ZBP1: variants seen among roughly 807,000 people sequenced by gnomAD.
ZBP1 encodes the protein Z-DNA binding protein 1, also known as Z-DNA-binding protein 1.
In ZBP1, 42 loss-of-function variants were observed where a neutral mutation model predicts 41.1. That is an observed-to-expected ratio of 1.02 (90% CI 0.80 to 1.32). ZBP1 has a LOEUF of 1.32. Ranked by LOEUF, ZBP1 falls within the 40% of genes most tolerant of loss-of-function variation. The pLI, the probability that ZBP1 is intolerant of heterozygous loss-of-function variation, is 0.00. For missense variants in ZBP1, 562 were observed against 549.7 expected (o/e 1.02, Z -0.22); for synonymous variants, 214 against 205.2 (o/e 1.04, Z -0.37).
chr20:57,618,899 G>A (rs6070184), intron 1 of ZBP1, among the ~76,000 whole-genome samples: 2 of 152,174 alleles, frequency 1.3e-5, no homozygotes, highest in Non-Finnish European at 2.9e-5. Context: ...GATTCTGGAA[G>A]GCTGACCTTA....
In ZBP1 at chr20:57,610,795, C is replaced by A; in HGVS notation, c.875-428G>T. The A allele has an allele frequency of 3.8e-6, 1 of 265,836 alleles. No homozygotes were observed. The allele number at this position is 265,836 out of a possible 1,614,324, so 16.5% of individuals were successfully genotyped here. A position where few individuals can be genotyped will look rare whatever the true frequency, so the allele number is the denominator to read the frequency against. On this transcript the variant is annotated intron_variant, in intron 6 of 7. Transcript: ENST00000371173. This position sits in a 1 kb window ranked among gnomAD's most constrained non-coding sequence, Gnocchi z 5.5. Reference sequence around the variant, plus strand: ...TTTCCCACCCAAACTTCTGAAGAATCATCCACACTGAGTCCCGCCCCCTCC... The same window carrying A: ...TTTCCCACCCAAACTTCTGAAGAATAATCCACACTGAGTCCCGCCCCCTCC...
chr20:57,616,572 AG>A (rs1422050725), intron 1 of ZBP1, 104 bp from the exon 2 acceptor site: 2 of 1,206,700 alleles, frequency 1.7e-6, no homozygotes, highest in African/African-American at 1.5e-5. Flanking sequence ...CCTTTTTGAG[AG>A]GGGTCCAGGG....
Position 57,604,224 on chromosome 20 carries a change from G to A in ZBP1, c.*349C>T, listed in dbSNP as rs894148767. 2.5e-6 allele frequency: 1 copy of A among 403,856 alleles called. No individual in the cohort carries two copies. Among genetic ancestry groups the A allele is most frequent in the Non-Finnish European group, 4.7e-6 (1 of 210,798 alleles). The allele number at this position is 403,856 out of a possible 1,614,324, so 25.0% of individuals were successfully genotyped here. On this transcript the variant is annotated 3_prime_UTR_variant, in exon 8 of 8. Coordinates refer to ENST00000371173, the MANE Select transcript of ZBP1 (RefSeq NM_030776.3). ...TTGGGACTCAAACATTCAAACCACA[G>A]CAGGTAGCCATGATGGAAGGTAACT...
rs374417828 is a variant in ZBP1 at position 57,610,167 on chromosome 20, C to T, written c.1075G>A (p.Glu359Lys). 35 of 1,613,826 alleles carry T rather than the reference C, an allele frequency of 2.2e-5. No individual in the cohort carries two copies. In the South Asian group the frequency reaches 2.6e-4, roughly 12 times the overall value. The change falls in exon 7 of 8, where the codon GAG (glutamate) becomes AAG (lysine). Residue 359 changes from glutamate (E) to lysine (K), a missense_variant. Transcript: ENST00000371173. The surrounding 1 kb of genome is among the most constrained non-coding windows in gnomAD (Gnocchi z 5.5). ...PGGVAGSGEGEPGEDAGRRPA... is the reference protein window; with the variant it reads ...PGGVAGSGEGKPGEDAGRRPA... ...AGCTCACCTGCGTCCTCCCCTGGCTCCCCCTCTCCAGACCCTGCGACTCCT... is the reference window on the plus strand; with the variant it reads ...AGCTCACCTGCGTCCTCCCCTGGCTTCCCCTCTCCAGACCCTGCGACTCCT...
chr20:57,615,381 A>G (rs764122544), intron 3 of ZBP1, 131 bp downstream of exon 3: 30 of 978,092 alleles, frequency 3.1e-5, no homozygotes, highest in Middle Eastern at 2.1e-4. Context: ...TGAACACTGT[A>G]TGGGAGCTGC....
intron 3 of ZBP1, 127 bp from the exon 4 acceptor site, chr20:57,615,187 G>T (rs2070784858): frequency 8.4e-6 from 9 of 1,073,464 alleles, no homozygotes; most frequent in Non-Finnish European, 1.2e-5. Flanking sequence ...TAAAATGGGT[G>T]TCATGATAAC....
rs751972160 is a variant in ZBP1, at chr20:57,616,229, C to A, written c.259+15G>T. The A allele has an allele frequency of 1.2e-6, 2 of 1,613,466 alleles. No individual in the cohort carries two copies. The highest frequency in any genetic ancestry group is 1.1e-5 in the South Asian group (1 of 91,074). On this transcript the variant is annotated intron_variant, in intron 2 of 7. Transcript: ENST00000371173. ...CCCTGCAGGGTCAGACCCGCCTCCCCGGGGTGGCAGTTACCAGGGCTGGAC... is the reference window on the plus strand; with the variant it reads ...CCCTGCAGGGTCAGACCCGCCTCCCAGGGGTGGCAGTTACCAGGGCTGGAC...
intron 7 of ZBP1, among the ~76,000 whole-genome samples, chr20:57,606,367 G>A (rs2070498170): frequency 6.7e-6 from 1 of 149,810 alleles, no homozygotes; most frequent in South Asian, 2.1e-4. Flanking sequence ...GTTGGTTCAT[G>A]AGGTTTAAGG....
chr20:57,614,689 C>T (rs575429603), intron 4 of ZBP1, among the ~76,000 whole-genome samples, 198 bp downstream of exon 4: 3 of 152,352 alleles, frequency 2.0e-5, no homozygotes, highest in African/African-American at 7.2e-5. Flanking sequence ...CCTTGGGCCA[C>T]GCCTCCAAAA....
At position 57,620,370 on chromosome 20, in the gene ZBP1, G is replaced by A; in HGVS notation, c.-75C>T. The A allele has an allele frequency of 6.6e-7, 1 of 1,524,078 alleles. No individual in the cohort carries two copies. Among genetic ancestry groups the A allele is most frequent in the Non-Finnish European group, 8.9e-7 (1 of 1,126,744 alleles). The allele number at this position is 1,524,078 out of a possible 1,614,324, so 94.4% of individuals were successfully genotyped here. ...TCTGCACTGTGGCCCTGAGAGGGTGGGCTAGGTCGAGGCTGGGGCTTCTGA... is the reference window on the plus strand; with the variant it reads ...TCTGCACTGTGGCCCTGAGAGGGTGAGCTAGGTCGAGGCTGGGGCTTCTGA... On this transcript the variant is annotated 5_prime_UTR_variant, in exon 1 of 8. Transcript: ENST00000371173.
intron 7 of ZBP1, among the ~76,000 whole-genome samples, chr20:57,609,276 A>C (rs963187362): frequency 2.0e-5 from 3 of 152,142 alleles, no homozygotes; most frequent in Non-Finnish European, 4.4e-5. Flanking sequence ...CAGAGTTGGA[A>C]TCCTCAGGCT....
At chr20:57,609,861 C>T (rs550607015) in intron 7 of ZBP1, among the ~76,000 whole-genome samples, 3 of 152,280 alleles carry the variant, frequency 2.0e-5, no homozygotes, top group African/African-American at 7.2e-5. Context: ...GATTTTACCC[C>T]AGTCTTGCAA....
At position 57,610,526 on chromosome 20, in the gene ZBP1, G is replaced by C; in HGVS notation, c.875-159C>G. 1.5e-6 allele frequency: 1 copy of C among 678,314 alleles called. No individual in the cohort carries two copies. Among genetic ancestry groups the C allele is most frequent in the South Asian group, 1.8e-5 (1 of 54,620 alleles). The allele number at this position is 678,314 out of a possible 1,614,324, so 42.0% of individuals were successfully genotyped here. ...GTGCCTGCCCGCCACACCTCCACCC[G>C]CCACACCTCCGCTCGTGCTGTTGTG... On this transcript the variant is annotated intron_variant, in intron 6 of 7. Transcript: ENST00000371173. The surrounding 1 kb of genome is among the most constrained non-coding windows in gnomAD (Gnocchi z 5.5).
intron 1 of ZBP1, among the ~76,000 whole-genome samples, chr20:57,620,013 T>A (rs1229534902): frequency 6.6e-6 from 1 of 152,144 alleles, no homozygotes; most frequent in East Asian, 1.9e-4. Flanking sequence ...ATTTTTGTAA[T>A]TTTAGTAGAG....
chr20:57,612,270 C>T (rs975109343), intron 5 of ZBP1, among the ~76,000 whole-genome samples: 4 of 151,976 alleles, frequency 2.6e-5, no homozygotes, highest in Admixed American at 2.0e-4. Flanking sequence ...CAGAGCCTCC[C>T]GCAGTGTTTT....
rs948786841 is a variant in ZBP1, at chr20:57,613,785, T to G, written c.503-455A>C. On this transcript the variant is annotated intron_variant, in intron 4 of 7. Coordinates refer to ENST00000371173, the MANE Select transcript of ZBP1 (RefSeq NM_030776.3). This position sits in a 1 kb window ranked among gnomAD's most constrained non-coding sequence, Gnocchi z 4.5. ...TTGAATTTGTCACTAGTGTTTAAAATCTGGTGGCTGTCACGCGTTATTCCT... is the reference window on the plus strand; with the variant it reads ...TTGAATTTGTCACTAGTGTTTAAAAGCTGGTGGCTGTCACGCGTTATTCCT... 5.3e-5 allele frequency among the ~76,000 whole-genome samples: 8 copies of G among 152,338 alleles called. No individual in the cohort carries two copies. The highest frequency in any genetic ancestry group is 1.7e-4 in the African/African-American group (7 of 41,578).
Position 57,611,884 on chromosome 20 carries a change from G to T in ZBP1, c.717C>A (p.Ser239=). The T allele has an allele frequency of 6.4e-7, 1 of 1,574,346 alleles. No individual in the cohort carries two copies. The highest frequency in any genetic ancestry group is 8.6e-7 in the Non-Finnish European group (1 of 1,159,328). ...RHLPSMAPGD[S]STWGTLVDPW... is the part of the protein sequence containing the mutation. ...GATCAACTAGGGTCCCCCAAGTTGA[G>T]GAATCACCTGGTGCCATTGAAGGGA... The change falls in exon 6 of 8, where the codon TCC becomes TCA. Residue 239 remains serine (S), a synonymous_variant. Transcript: ENST00000371173.
In ZBP1 at chr20:57,610,931, C is replaced by T. The variant is rs2070649880; in HGVS notation, c.875-564G>A. ...CTTCCCTGGTCTCACCAGCCTGGCC[C>T]CTCTCTGGAGACTCCTTTCCCGGGG... is the stretch of plus-strand genomic sequence containing the variant. On this transcript the variant is annotated intron_variant, in intron 6 of 7. Transcript: ENST00000371173. This position sits in a 1 kb window ranked among gnomAD's most constrained non-coding sequence, Gnocchi z 5.5. Among the ~76,000 whole-genome samples the T allele has an allele frequency of 6.6e-6, 1 of 152,148 alleles. No individual in the cohort carries two copies. The highest frequency in any genetic ancestry group is 6.5e-5 in the Admixed American group (1 of 15,270).
chr20:57,617,272 G>A, intron 1 of ZBP1: 1 of 153,116 alleles, frequency 6.5e-6, no homozygotes, highest in Non-Finnish European at 1.5e-5. Flanking sequence ...GCCCCTTTGT[G>A]CACACTGTTC....
Sources: allele counts gnomAD v4.1 joint callset (sites outside exome capture counted in the v4.1 genomes callset), GRCh38; gene constraint gnomAD v4.1.1; non-coding constraint Gnocchi (gnomAD v3.1); transcripts MANE v1.5; gene names NCBI Gene and HGNC (gene_info 2026-07-23, HGNC 2026-07-21).